The following NTRK1 variants were observed in gnomAD, a reference collection of about 807,000 sequenced individuals.
NTRK1 encodes the protein neurotrophic receptor tyrosine kinase 1.
A neutral mutation model predicts 86.8 loss-of-function variants in NTRK1; 62 were observed. The ratio of observed to expected loss-of-function variants is 0.71; its 90% CI spans 0.58 to 0.88. NTRK1 has a LOEUF of 0.88. Ranked by LOEUF, NTRK1 falls within the 40% of genes least tolerant of loss-of-function variation. NTRK1 has a pLI of 0.00. For synonymous variants in NTRK1, 469 were observed against 456.6 expected (o/e 1.03, Z -0.35); for missense variants, 967 against 1,078.4 (o/e 0.90, Z 1.45).
Position 156,816,218 on chromosome 1 carries a change from C to T in NTRK1, c.-64+380C>T, listed in dbSNP as rs572715724. ...GGGACAGTCTTAACGACAGGAAAAA[C>T]GCAGAAGGGCAGCAGGGGAGTTTCT... is the stretch of plus-strand genomic sequence containing the variant. On this transcript the variant is annotated intron_variant, in intron 1 of 16. Transcript: ENST00000392302. 2.0e-3 allele frequency: 2,842 copies of T among 1,429,820 alleles called. 2 individuals are homozygous for T. Among genetic ancestry groups the T allele is most frequent in the Non-Finnish European group, 2.4e-3 (2,623 of 1,080,850 alleles). The allele number at this position is 1,429,820 out of a possible 1,614,324, so 88.6% of individuals were successfully genotyped here.
rs139141723 is a variant in NTRK1, at chr1:156,828,218, A to G, written c.-64+12380A>G. Reference sequence around the variant, plus strand: ...TGCTTGGTTTTTAATATATTATAGAAGGCTCAAAGATCAGCTGATTTACTT... The same window carrying G: ...TGCTTGGTTTTTAATATATTATAGAGGGCTCAAAGATCAGCTGATTTACTT... On this transcript the variant is annotated intron_variant, in intron 1 of 16. Coordinates refer to the NTRK1 transcript ENST00000392302. 4.5e-3 allele frequency among the ~76,000 whole-genome samples: 683 copies of G among 152,354 alleles called. 2 individuals are homozygous for G. Among genetic ancestry groups the G allele is most frequent in the African/African-American group, 0.016 (660 of 41,584 alleles).
chr1:156,823,288 C>A (rs1231144607), intron 1 of NTRK1, among the ~76,000 whole-genome samples: 1 of 152,214 alleles, frequency 6.6e-6, no homozygotes, highest in Non-Finnish European at 1.5e-5. Flanking sequence ...AGTTCAGTTT[C>A]AAGCTCCATC....
chr1:156,834,933 G>T (rs1439872148), intron 1 of NTRK1, among the ~76,000 whole-genome samples: 1 of 152,138 alleles, frequency 6.6e-6, no homozygotes, highest in Non-Finnish European at 1.5e-5. Context: ...GAAAGGGTGA[G>T]CAGAGAATGA....
At chr1:156,870,541 G>A (rs1292740681) in intron 6 of NTRK1, among the ~76,000 whole-genome samples, 1 of 152,204 alleles carries the variant, frequency 6.6e-6, no homozygotes, top group African/African-American at 2.4e-5. Flanking sequence ...AGAGGGCAGG[G>A]CAGGGCTTCC....
In NTRK1 at chr1:156,842,368, TTCACTCC is replaced by T. The variant is rs1325064337; in HGVS notation, c.50+176_50+182del. 1.9e-6 allele frequency: 3 copies of T among 1,613,088 alleles called. No homozygotes were observed. In the South Asian group the frequency reaches 3.3e-5, roughly 18 times the overall value. On this transcript the variant is annotated intron_variant, in intron 2 of 16. Coordinates refer to the NTRK1 transcript ENST00000392302. ...CTCCCACACTGTGCCCAACCCTTCT[TTCACTCC>T]CCAGGGTCTTCCTGGTCCCTACCTC... is the stretch of plus-strand genomic sequence containing the variant.
intron 8 of NTRK1, 146 bp downstream of exon 8, chr1:156,874,105 G>C (rs1647745598): frequency 1.1e-6 from 1 of 938,342 alleles, no homozygotes; most frequent in East Asian, 2.6e-5. Flanking sequence ...CGCTGTTCTG[G>C]CCTCCTTACC....
intron 7 of NTRK1, among the ~76,000 whole-genome samples, chr1:156,872,435 A>G (rs1647616585): frequency 6.6e-6 from 1 of 152,082 alleles, no homozygotes; most frequent in Non-Finnish European, 1.5e-5. Context: ...CTGTTCTTGT[A>G]CATTATATAA....
rs749711737 is a variant in NTRK1, at chr1:156,868,175, T to G, written c.500T>G (p.Leu167Arg). The stretch of plus-strand genomic sequence containing the variant: ...CTACAGCGCTGGGAGGAGGAGGGAC[T>G]GGGCGGAGTGCCTGAACAGAAGCTG... ...RWLQRWEEEG[L>R]GGVPEQKLQC... Residue 167 changes from leucine to arginine, a missense_variant, in exon 5 of 17, where the codon CTG becomes CGG. Coordinates refer to ENST00000524377, the MANE Select transcript of NTRK1 (RefSeq NM_002529.4). The G allele has an allele frequency of 8.7e-6, 14 of 1,613,790 alleles. No homozygotes were observed. The highest frequency in any genetic ancestry group is 1.2e-5 in the Non-Finnish European group (14 of 1,180,046).
At chr1:156,848,152 G>A (rs12145540) in intron 2 of NTRK1, among the ~76,000 whole-genome samples, 19,966 of 152,020 alleles carry the variant, frequency 0.13, 1,916 homozygotes, top group African/African-American at 0.27. Context: ...GACCTAGGAG[G>A]GTCTCGGCCA....
intron 6 of NTRK1, among the ~76,000 whole-genome samples, 186 bp downstream of exon 6, chr1:156,868,833 C>T (rs537291941): frequency 2.6e-5 from 4 of 152,170 alleles, no homozygotes; most frequent in African/African-American, 4.8e-5. Flanking sequence ...GCCCAGGGCA[C>T]GCACACACCC....
At chr1:156,822,213 G>A (rs1266230623) in intron 1 of NTRK1, among the ~76,000 whole-genome samples, 1 of 152,158 alleles carries the variant, frequency 6.6e-6, no homozygotes, top group Non-Finnish European at 1.5e-5. Flanking sequence ...GATAATTTGG[G>A]CTTCAGCTTG....
intron 1 of NTRK1, among the ~76,000 whole-genome samples, chr1:156,826,293 C>CTTTTT (rs386368405): frequency 0.031 from 2,708 of 88,310 alleles, 171 homozygotes; most frequent in Non-Finnish European, 0.037. Flanking sequence ...GACTTGAGCT[C>CTTTTT]TTTTTTTTTT....
At chr1:156,845,563 C>T (rs1335930506) in intron 2 of NTRK1, 2 of 1,480,046 alleles carry the variant, frequency 1.4e-6, no homozygotes, top group Non-Finnish European at 1.8e-6. Context: ...CCGCAAGACC[C>T]GCCCCTCACA....
At chr1:156,816,154 T>A in intron 1 of NTRK1, 1 of 1,537,628 alleles carries the variant, frequency 6.5e-7, no homozygotes, top group Non-Finnish European at 8.8e-7. Context: ...TGTCTCTGCC[T>A]CCCACCCCTC....
intron 8 of NTRK1, 126 bp downstream of exon 8, chr1:156,874,085 C>A: frequency 9.6e-7 from 1 of 1,037,472 alleles, no homozygotes; most frequent in Non-Finnish European, 1.4e-6. Context: ...AGTCTGGAGT[C>A]CTGGTGTCCC....
upstream of NTRK1, among the ~76,000 whole-genome samples, chr1:156,857,774 G>T (rs973225615): frequency 1.3e-5 from 2 of 152,226 alleles, no homozygotes; most frequent in African/African-American, 4.8e-5. Flanking sequence ...TTCCTGAGCT[G>T]CTTCAGTTTG....
In NTRK1 at chr1:156,879,261, C is replaced by T. The variant is rs369353892; in HGVS notation, c.1945C>T (p.Arg649Trp). The T allele has an allele frequency of 8.7e-6, 14 of 1,613,856 alleles. No homozygotes were observed. Among genetic ancestry groups the T allele is most frequent in the East Asian group, 4.5e-5 (2 of 44,892 alleles). Residue 649 changes from arginine (R) to tryptophan (W), a missense_variant, in exon 15 of 17, where the codon CGG becomes TGG. Arg to Trp is a moderately radical substitution (Grantham distance 101, BLOSUM62 -3). Coordinates refer to ENST00000524377, the MANE Select transcript of NTRK1 (RefSeq NM_002529.4). ...VYLAGLHFVH[R>W]DLATRNCLVG... ...CCTGGCGGGTCTGCATTTTGTGCAC[C>T]GGGACCTGGCCACACGCAACTGTCT...
At chr1:156,824,827 A>G (rs1654279533) in intron 1 of NTRK1, among the ~76,000 whole-genome samples, 1 of 152,194 alleles carries the variant, frequency 6.6e-6, no homozygotes. Flanking sequence ...ACCACTGGAC[A>G]TGCTGGGTTA....
At chr1:156,826,525 G>C (rs1357351362) in intron 1 of NTRK1, among the ~76,000 whole-genome samples, 2 of 151,952 alleles carry the variant, frequency 1.3e-5, no homozygotes, top group Admixed American at 1.3e-4. Context: ...TCCTGACCTC[G>C]TGATCCGCCC....
Sources: allele counts gnomAD v4.1 joint callset (sites outside exome capture counted in the v4.1 genomes callset), GRCh38; gene constraint gnomAD v4.1.1; transcripts MANE v1.5; gene names NCBI Gene and HGNC (gene_info 2026-07-23, HGNC 2026-07-21).